PRKG1: variants seen among roughly 807,000 people sequenced by gnomAD.
PRKG1 encodes the protein protein kinase cGMP-dependent 1.
PRKG1 carries 35 observed loss-of-function variants against 88.1 expected under a neutral mutation model. The observed-to-expected ratio is 0.40, with a 90% CI of 0.30 to 0.53. The LOEUF is 0.53. PRKG1 is among the 20% of genes least tolerant of loss of function. The probability of loss-of-function intolerance (pLI) is 0.59; values close to 1 mark genes in which losing one functional copy is unlikely to be tolerated. For synonymous variants in PRKG1, 303 were observed against 292.5 expected (o/e 1.04, Z -0.37); for missense variants, 540 against 839.8 (o/e 0.64, Z 4.41).
intron 3 of PRKG1, among the ~76,000 whole-genome samples, chr10:51,531,752 C>T (rs1252502598): frequency 7.3e-6 from 1 of 136,104 alleles, no homozygotes. Context: ...TCGAGTGATT[C>T]TCCTGCCTCA....
chr10:51,889,196 C>A (rs1841651468), intron 4 of PRKG1, among the ~76,000 whole-genome samples: 1 of 146,438 alleles, frequency 6.8e-6, no homozygotes, highest in South Asian at 2.3e-4. Flanking sequence ...TCTCCTAATT[C>A]TATCCCTCCC....
chr10:51,758,653 T>G (rs1366247462), intron 3 of PRKG1, among the ~76,000 whole-genome samples: 2 of 152,198 alleles, frequency 1.3e-5, no homozygotes, highest in African/African-American at 2.4e-5. Context: ...ATTAGCATCT[T>G]AAATCTCTAC....
At chr10:52,233,591 T>C (rs571662782) in intron 9 of PRKG1, among the ~76,000 whole-genome samples, 3 of 146,384 alleles carry the variant, frequency 2.0e-5, no homozygotes, top group East Asian at 4.1e-4. Flanking sequence ...CACCCGAATA[T>C]TGCGCTTTTC....
chr10:51,138,670 G>GTTTTTTT (rs1402122952), intron 1 of PRKG1, among the ~76,000 whole-genome samples: 8 of 67,042 alleles, frequency 1.2e-4, no homozygotes, highest in Non-Finnish European at 2.3e-4. Flanking sequence ...TGGACATTGA[G>GTTTTTTT]TTTTGTTTTT....
chr10:51,136,376 G>C lies in PRKG1; in HGVS notation c.312-16788G>C, dbSNP rs923672197. The stretch of plus-strand genomic sequence containing the variant: ...CTGCCTGGAGCTCTGGAAAAAGCTA[G>C]GGTGTGAGATATAGATTTAGTCATC... On this transcript the variant is annotated intron_variant, in intron 1 of 17. Coordinates refer to ENST00000373980, the MANE Select transcript of PRKG1 (RefSeq NM_006258.4). Among the ~76,000 whole-genome samples, 4 of 152,022 alleles carry C rather than the reference G, an allele frequency of 2.6e-5. No homozygotes were observed. In the South Asian group the frequency reaches 6.2e-4, roughly 24 times the overall value.
chr10:51,163,165 CAAACAA>C (rs1846412312), intron 2 of PRKG1, among the ~76,000 whole-genome samples: 1 of 152,128 alleles, frequency 6.6e-6, no homozygotes, highest in Non-Finnish European at 1.5e-5. Context: ...AACTCTGTCT[CAAACAA>C]AAACAAAAAG....
intron 2 of PRKG1, among the ~76,000 whole-genome samples, chr10:51,402,390 T>C (rs1197467240): frequency 6.6e-6 from 1 of 152,180 alleles, no homozygotes; most frequent in Non-Finnish European, 1.5e-5. Flanking sequence ...TCCTCACATG[T>C]CTGTGGGAAA....
At chr10:51,189,914 T>C (rs1018420719) in intron 2 of PRKG1, among the ~76,000 whole-genome samples, 6 of 151,868 alleles carry the variant, frequency 4.0e-5, no homozygotes, top group African/African-American at 1.2e-4. Context: ...GGGAGAAAAC[T>C]GAAGATTATA....
intron 2 of PRKG1, among the ~76,000 whole-genome samples, chr10:51,272,670 G>A (rs943161886): frequency 6.6e-6 from 1 of 152,076 alleles, no homozygotes; most frequent in African/African-American, 2.4e-5. Flanking sequence ...TTCCCAGCTG[G>A]GTGAACATCT....
intron 2 of PRKG1, among the ~76,000 whole-genome samples, chr10:51,217,384 G>GA (rs1300492191): frequency 1.3e-5 from 2 of 152,026 alleles, no homozygotes; most frequent in Admixed American, 1.3e-4. Context: ...TTGGTGTGGG[G>GA]AAAAATGCCT....
intron 4 of PRKG1, among the ~76,000 whole-genome samples, chr10:51,826,325 T>G (rs932989204): frequency 1.1e-4 from 16 of 152,178 alleles, no homozygotes; most frequent in African/African-American, 2.9e-4. Flanking sequence ...CCAGATCCCA[T>G]GCTGTGCATA....
At chr10:51,936,668 TTTTG>T (rs1239139201) in intron 5 of PRKG1, among the ~76,000 whole-genome samples, 3 of 152,134 alleles carry the variant, frequency 2.0e-5, no homozygotes, top group East Asian at 1.9e-4. Context: ...AATTATAATT[TTTTG>T]TTTGTTTGTT....
intron 1 of PRKG1, among the ~76,000 whole-genome samples, chr10:51,106,653 C>A (rs538472221): frequency 1.3e-5 from 2 of 152,256 alleles, no homozygotes; most frequent in East Asian, 3.9e-4. Flanking sequence ...GAGCATGAAT[C>A]CCCAGATTGA....
chr10:51,881,873 G>C (rs1294228501), intron 4 of PRKG1, among the ~76,000 whole-genome samples: 2 of 152,118 alleles, frequency 1.3e-5, no homozygotes, highest in South Asian at 2.1e-4. Context: ...TCTTAAGTTA[G>C]ATGCATCACA....
rs542153196 is a variant in PRKG1, at chr10:51,600,221, T to C, written c.592+132385T>C. ...CAAGTATTTATACCTCTGCCTTAGATGGTCATTTGAACTCTAAAAATGTGG... is the reference window on the plus strand; with the variant it reads ...CAAGTATTTATACCTCTGCCTTAGACGGTCATTTGAACTCTAAAAATGTGG... On this transcript the variant is annotated intron_variant, in intron 3 of 17. Transcript: ENST00000373980. 2.6e-3 allele frequency among the ~76,000 whole-genome samples: 395 copies of C among 152,282 alleles called. 2 individuals are homozygous for C. Among genetic ancestry groups the C allele is most frequent in the African/African-American group, 9.1e-3 (379 of 41,572 alleles).
chr10:51,318,491 G>T (rs1301705765), intron 2 of PRKG1, among the ~76,000 whole-genome samples: 2 of 152,152 alleles, frequency 1.3e-5, no homozygotes, highest in Admixed American at 6.5e-5. Flanking sequence ...TTAAGATTAT[G>T]TAAGAATAAA....
intron 3 of PRKG1, among the ~76,000 whole-genome samples, chr10:51,490,254 A>C (rs1840669810): frequency 6.6e-6 from 1 of 152,170 alleles, no homozygotes; most frequent in Non-Finnish European, 1.5e-5. Context: ...AATAAAAACA[A>C]ATAGGAAATT....
At chr10:52,233,882 C>G (rs1266121338) in intron 9 of PRKG1, among the ~76,000 whole-genome samples, 3 of 152,194 alleles carry the variant, frequency 2.0e-5, no homozygotes, top group East Asian at 1.9e-4. Flanking sequence ...AACAAAAAGA[C>G]AGCAGTAACC....
In PRKG1 at chr10:51,718,042, G is replaced by A. The variant is rs537930294; in HGVS notation, c.593-86543G>A. Reference sequence around the variant, plus strand: ...CATTAAACATTTAATTATTTCTTGTGCACTAGACATAGTTCTGAGCGCTAG... The same window carrying A: ...CATTAAACATTTAATTATTTCTTGTACACTAGACATAGTTCTGAGCGCTAG... On this transcript the variant is annotated intron_variant, in intron 3 of 17. Transcript: ENST00000373980. Among the ~76,000 whole-genome samples the A allele has an allele frequency of 1.1e-4, 17 of 152,094 alleles. 1 individual carries two copies. The East Asian group carries it at 1.2e-3, about 10-fold the overall frequency.
Sources: gnomAD v4.1 joint callset for allele counts (sites outside exome capture counted in the v4.1 genomes callset) on GRCh38, gnomAD v4.1.1 for gene constraint, MANE v1.5 for transcripts, NCBI Gene and HGNC (gene_info 2026-07-23, HGNC 2026-07-21) for gene names.